LPIN2: variants seen among roughly 807,000 people sequenced by gnomAD.
LPIN2 encodes lipin 2, also known as phosphatidate phosphatase LPIN2.
A neutral mutation model predicts 111.4 loss-of-function variants in LPIN2; 55 were observed. That is an observed-to-expected ratio of 0.49 (90% CI 0.40 to 0.62). The LOEUF (loss-of-function observed/expected upper bound fraction) is 0.62, where lower values mean the gene tolerates loss of function less well. Among genes scored for constraint, LPIN2 ranks in the 20% least tolerant of loss-of-function variants. The pLI, the probability that LPIN2 is intolerant of heterozygous loss-of-function variation, is 0.00. For missense variants in LPIN2, 992 were observed against 1,112.1 expected (o/e 0.89, Z 1.54); for synonymous variants, 425 against 414.0 (o/e 1.03, Z -0.32).
rs1292811423 is a variant in LPIN2, at chr18:2,920,060, C to G, written c.*233G>C. The G allele has an allele frequency of 1.7e-6, 1 of 594,998 alleles. No individual in the cohort carries two copies. Among genetic ancestry groups the G allele is most frequent in the East Asian group, 2.8e-5 (1 of 35,186 alleles). 36.9% of individuals were successfully genotyped at this position (594,998 alleles called of 1,614,324 possible). A position where few individuals can be genotyped will look rare whatever the true frequency, so the allele number is the denominator to read the frequency against. ...TGTGTGCGACCCACAAAGGAGGGAT[C>G]CCAGGCCTCCAGCCCCAGGCCCAGT... On this transcript the variant is annotated 3_prime_UTR_variant, in exon 20 of 20. Coordinates refer to ENST00000677752, the MANE Select transcript of LPIN2 (RefSeq NM_001375808.2).
In LPIN2 at chr18:2,917,690, G is replaced by C. The variant is rs962096998; in HGVS notation, c.*2603C>G. On this transcript the variant is annotated 3_prime_UTR_variant, in exon 20 of 20. Coordinates refer to ENST00000677752, the MANE Select transcript of LPIN2 (RefSeq NM_001375808.2). The stretch of plus-strand genomic sequence containing the variant: ...AAACGGAGGCAGCCTGCATGCTCCA[G>C]GTCTACACGAGCACCTCACAGCCTG... 1 of 152,386 alleles carries C rather than the reference G, an allele frequency of 6.6e-6. No individual in the cohort carries two copies. Among genetic ancestry groups the C allele is most frequent in the Non-Finnish European group, 1.5e-5 (1 of 68,110 alleles). The allele number at this position is 152,386 out of a possible 1,614,324, so 9.4% of individuals were successfully genotyped here. A position where few individuals can be genotyped will look rare whatever the true frequency, so the allele number is the denominator to read the frequency against.
At chr18:2,927,069 A>C (rs1350049925) in intron 12 of LPIN2, among the ~76,000 whole-genome samples, 6 of 152,170 alleles carry the variant, frequency 3.9e-5, no homozygotes, top group African/African-American at 1.4e-4. Context: ...AACATAATAC[A>C]AGCGACCCAA....
intron 1 of LPIN2, among the ~76,000 whole-genome samples, chr18:2,992,125 G>A (rs2078275361): frequency 6.6e-6 from 1 of 152,154 alleles, no homozygotes; most frequent in South Asian, 2.1e-4. Context: ...GTATACCAGT[G>A]TTCACGGCAG....
At chr18:2,932,219 C>G (rs1277974157) in intron 8 of LPIN2, among the ~76,000 whole-genome samples, 3 of 152,180 alleles carry the variant, frequency 2.0e-5, no homozygotes, top group Non-Finnish European at 2.9e-5. Context: ...GCTTACTACT[C>G]TATACCCTTT....
intron 18 of LPIN2, 189 bp from the exon 19 acceptor site, chr18:2,921,070 A>C (rs2077046727): frequency 1.6e-6 from 1 of 640,376 alleles, no homozygotes; most frequent in African/African-American, 1.8e-5. Flanking sequence ...TTGGAGAGTC[A>C]GAAAACTTGG....
chr18:2,938,103 A>G, intron 6 of LPIN2, 66 bp from the exon 7 acceptor site: 2 of 1,232,278 alleles, frequency 1.6e-6, no homozygotes, highest in Non-Finnish European at 2.4e-6. Context: ...CTATTTCCTA[A>G]GCTGGCAATG....
intron 4 of LPIN2, among the ~76,000 whole-genome samples, chr18:2,944,551 C>T (rs1468378480): frequency 6.6e-6 from 1 of 151,652 alleles, no homozygotes; most frequent in Admixed American, 6.6e-5. Context: ...GGGGTTTCAC[C>T]GTGTTAGCCA....
At position 2,925,454 on chromosome 18, in the gene LPIN2, T is replaced by C. The variant is rs1464312609; in HGVS notation, c.1794-86A>G. 40 of 1,563,448 alleles carry C rather than the reference T, an allele frequency of 2.6e-5. No individual in the cohort carries two copies. The highest frequency in any genetic ancestry group is 2.6e-6 in the Non-Finnish European group (3 of 1,138,074). ...TCATTTAGGATCAAGAAAATAAAGA[T>C]ATCCTAAATCTTTTCTAGGAATGGG... On this transcript the variant is annotated intron_variant, in intron 13 of 19. Coordinates refer to ENST00000677752, the MANE Select transcript of LPIN2 (RefSeq NM_001375808.2). The surrounding 1 kb of genome is among the most constrained non-coding windows in gnomAD (Gnocchi z 4.1).
intron 4 of LPIN2, chr18:2,950,148 C>T (rs1231114573): frequency 6.6e-6 from 1 of 152,082 alleles, no homozygotes; most frequent in Non-Finnish European, 1.5e-5. Flanking sequence ...CTGGTTTGAC[C>T]ATTTAAAACA....
At chr18:2,952,982 T>C (rs2077559986) in intron 3 of LPIN2, among the ~76,000 whole-genome samples, 1 of 152,214 alleles carries the variant, frequency 6.6e-6, no homozygotes, top group Non-Finnish European at 1.5e-5. Flanking sequence ...AACTGGGTTT[T>C]TGGTCATCTT....
chr18:2,940,504 G>GT (rs1048847072), intron 5 of LPIN2, 101 bp downstream of exon 5: 11 of 715,160 alleles, frequency 1.5e-5, no homozygotes, highest in Non-Finnish European at 1.0e-5. Context: ...CCTTGGCTGT[G>GT]TGAGAGAAAT....
chr18:2,981,762 A>C (rs2078114469), intron 1 of LPIN2, among the ~76,000 whole-genome samples: 1 of 152,204 alleles, frequency 6.6e-6, no homozygotes, highest in South Asian at 2.1e-4. Flanking sequence ...GTACACTTTC[A>C]CTAACAGATC....
rs886053757 is a variant in LPIN2 at position 2,919,787 on chromosome 18, G to A, written c.*506C>T. 2.4e-5 allele frequency: 5 copies of A among 208,606 alleles called. No homozygotes were observed. In the Admixed American group the frequency reaches 2.6e-4, roughly 11 times the overall value. The allele number at this position is 208,606 out of a possible 1,614,324, so 12.9% of individuals were successfully genotyped here. A position where few individuals can be genotyped will look rare whatever the true frequency, so the allele number is the denominator to read the frequency against. The stretch of plus-strand genomic sequence containing the variant: ...TGGAGCAGCTGACCCCTTCAGTGTA[G>A]CAGGAAATGAGGCGACCAGAGAAGA... On this transcript the variant is annotated 3_prime_UTR_variant, in exon 20 of 20. Transcript: ENST00000677752.
At chr18:2,990,196 A>G (rs1281290962) in intron 1 of LPIN2, among the ~76,000 whole-genome samples, 1 of 152,176 alleles carries the variant, frequency 6.6e-6, no homozygotes, top group African/African-American at 2.4e-5. Context: ...ATGACCTAAA[A>G]CCATAAAACT....
intron 2 of LPIN2, among the ~76,000 whole-genome samples, chr18:2,958,015 G>A (rs1042437878): frequency 1.1e-4 from 17 of 150,910 alleles, no homozygotes; most frequent in Non-Finnish European, 2.2e-4. Context: ...GGTAGCACGC[G>A]CCTATAATCC....
At chr18:2,979,871 CAG>C (rs2078079841) in intron 1 of LPIN2, among the ~76,000 whole-genome samples, 1 of 152,128 alleles carries the variant, frequency 6.6e-6, no homozygotes, top group Non-Finnish European at 1.5e-5. Context: ...TAGCAGGCCT[CAG>C]AGTTTTCATT....
At chr18:2,936,621 C>G (rs1168514399) in intron 7 of LPIN2, among the ~76,000 whole-genome samples, 2 of 152,196 alleles carry the variant, frequency 1.3e-5, no homozygotes, top group Non-Finnish European at 2.9e-5. Context: ...CACTCTATCA[C>G]CCAGGCTGGA....
Position 2,925,239 on chromosome 18 carries a change from G to A in LPIN2, c.1923C>T (p.Leu641=), listed in dbSNP as rs183435741. Residue 641 remains leucine, a synonymous_variant, in exon 14 of 20, where the codon CTC becomes CTT. Transcript: ENST00000677752. The surrounding 1 kb of genome is among the most constrained non-coding windows in gnomAD (Gnocchi z 4.1). The part of the protein sequence containing the change: ...STTSYKKSLR[L]SSDQIAKLKL... Reference sequence around the variant, plus strand: ...CAAGACTCACGATCTGGTCTGAGGAGAGGCGGAGAGACTTCTTATATGAAG... The same window carrying A: ...CAAGACTCACGATCTGGTCTGAGGAAAGGCGGAGAGACTTCTTATATGAAG... 9 of 1,614,210 alleles carry A rather than the reference G, an allele frequency of 5.6e-6. No homozygotes were observed. Among genetic ancestry groups the A allele is most frequent in the Middle Eastern group, 1.6e-4 (1 of 6,062 alleles).
At chr18:2,926,928 A>C in intron 12 of LPIN2, 123 bp from the exon 13 acceptor site, 12 of 762,506 alleles carry the variant, frequency 1.6e-5, no homozygotes, top group East Asian at 5.3e-5. Flanking sequence ...AAAAATGCTC[A>C]AAAACCAGAC....
Sources: allele counts gnomAD v4.1 joint callset (sites outside exome capture counted in the v4.1 genomes callset), GRCh38; gene constraint gnomAD v4.1.1; non-coding constraint Gnocchi (gnomAD v3.1); transcripts MANE v1.5; gene names NCBI Gene and HGNC (gene_info 2026-07-23, HGNC 2026-07-21).